ANKDD1A: variants seen among roughly 807,000 people sequenced by gnomAD.
ANKDD1A encodes ankyrin repeat and death domain-containing protein 1A.
ANKDD1A carries 59 observed loss-of-function variants against 63.5 expected under a neutral mutation model. The observed-to-expected ratio is 0.93, with a 90% confidence interval of 0.75 to 1.15. The LOEUF (loss-of-function observed/expected upper bound fraction) is 1.15. ANKDD1A is among the 50% of genes most tolerant of loss of function. The pLI is 0.00. For synonymous variants in ANKDD1A, 266 were observed against 263.9 expected (o/e 1.01, Z -0.08); for missense variants, 632 against 656.4 (o/e 0.96, Z 0.41).
intron 6 of ANKDD1A, among the ~76,000 whole-genome samples, chr15:64,929,059 C>T (rs1385476439): frequency 6.6e-6 from 1 of 152,258 alleles, no homozygotes; most frequent in Non-Finnish European, 1.5e-5. Context: ...CACCGCTTGT[C>T]CTGGCTCGCA....
chr15:64,926,882 C>G lies in ANKDD1A; in HGVS notation c.472-19C>G. The G allele has an allele frequency of 6.2e-7, 1 of 1,613,676 alleles. No homozygotes were observed. The highest frequency in any genetic ancestry group is 8.5e-7 in the Non-Finnish European group (1 of 1,179,730). On this transcript the variant is annotated intron_variant, in intron 5 of 14. Coordinates refer to ENST00000319580, the MANE Select transcript of ANKDD1A (RefSeq NM_182703.6). ...CTGACAGAGTGAGGAAGGCTCACAC[C>G]GCTTCTCCTCCCGGCCAGCTGGGGA...
At chr15:64,952,978 G>T (rs1362796731) in intron 14 of ANKDD1A, among the ~76,000 whole-genome samples, 71,989 of 139,034 alleles carry the variant, frequency 0.52, 19,641 homozygotes, top group East Asian at 0.85. Context: ...TTTTCTTCTT[G>T]TCTCTCCTTC....
rs1167622182 is a variant in ANKDD1A at position 64,951,397 on chromosome 15, CT to C, written c.1483+1431del. The C allele has an allele frequency of 3.0e-4, 51 of 168,874 alleles. No individual in the cohort carries two copies. The Admixed American group carries it at 3.2e-3, about 11-fold the overall frequency. 10.5% of individuals were successfully genotyped at this position (168,874 alleles called of 1,614,324 possible). A position where few individuals can be genotyped will look rare whatever the true frequency, so the allele number is the denominator to read the frequency against. ...TCTTTCTTTTTCTTTTCTTCTTCCT[CT>C]TTTTTCTTTTTTCTTTTCTTCCTCT... On this transcript the variant is annotated intron_variant, in intron 14 of 14. Transcript: ENST00000319580.
intron 14 of ANKDD1A, among the ~76,000 whole-genome samples, chr15:64,954,352 TCTCTTCTTCTCCTTCTTCTTC>T (rs2085382186): frequency 2.1e-5 from 2 of 96,348 alleles, no homozygotes; most frequent in African/African-American, 9.3e-5. Flanking sequence ...CTCTCCTTCT[TCTCTTCTTCTCCTTCTTCTTC>T]CTTTTCTTTT....
intron 14 of ANKDD1A, among the ~76,000 whole-genome samples, chr15:64,953,615 C>CCTCTTCTTAGTTCTTCTTAG: frequency 9.2e-6 from 1 of 109,008 alleles, no homozygotes; most frequent in South Asian, 3.5e-4. Flanking sequence ...TTCTTCTCTC[C>CCTCTTCTTAGTTCTTCTTAG]TTCTTCTTCT....
rs529765858 is a variant in ANKDD1A, at chr15:64,948,740, C to T, written c.1352-1101C>T. Among the ~76,000 whole-genome samples, 4 of 152,014 alleles carry T rather than the reference C, an allele frequency of 2.6e-5. No homozygotes were observed. The East Asian group carries it at 7.7e-4, about 29-fold the overall frequency. The stretch of plus-strand genomic sequence containing the variant: ...GCTCGACAGGCTGAGGTTTAAGAAT[C>T]GCTTGAACCCGGGACACAGAGTTTG... On this transcript the variant is annotated intron_variant, in intron 13 of 14. Transcript: ENST00000319580.
intron 14 of ANKDD1A, among the ~76,000 whole-genome samples, chr15:64,953,630 C>CTT (rs1467278506): frequency 8.7e-4 from 18 of 20,724 alleles, no homozygotes; most frequent in Non-Finnish European, 1.5e-3. Context: ...TCTTCTTCTT[C>CTT]CTTCTTCTTC....
chr15:64,915,760 C>A (rs1371814353), intron 1 of ANKDD1A, 37 bp from the exon 2 acceptor site: 1 of 1,564,030 alleles, frequency 6.4e-7, no homozygotes, highest in South Asian at 1.1e-5. Flanking sequence ...TGTGGGGCAT[C>A]CTCCCCCTCA....
chr15:64,949,519 G>A (rs2085251941), intron 13 of ANKDD1A, among the ~76,000 whole-genome samples: 2 of 152,178 alleles, frequency 1.3e-5, no homozygotes, highest in African/African-American at 2.4e-5. Context: ...GTACCACAAC[G>A]ATGAAAGTCA....
chr15:64,948,200 T>C (rs2085239062), intron 13 of ANKDD1A, among the ~76,000 whole-genome samples: 1 of 152,240 alleles, frequency 6.6e-6, no homozygotes, highest in Admixed American at 6.5e-5. Flanking sequence ...ATGGTGTGTG[T>C]GTTTCATCTG....
chr15:64,931,441 G>T (rs1026846168), intron 7 of ANKDD1A, 46 bp from the exon 8 acceptor site: 1 of 1,563,332 alleles, frequency 6.4e-7, no homozygotes, highest in Non-Finnish European at 8.7e-7. Context: ...GGTCACTTGG[G>T]GGTGGGCCTC....
intron 1 of ANKDD1A, 86 bp downstream of exon 1, chr15:64,912,050 G>C: frequency 8.2e-7 from 1 of 1,212,962 alleles, no homozygotes; most frequent in Non-Finnish European, 1.0e-6. Context: ...GGTGAGGTTG[G>C]CGCCCTCCGA....
At chr15:64,927,101 C>A in intron 6 of ANKDD1A, 102 bp downstream of exon 6, 1 of 1,230,472 alleles carries the variant, frequency 8.1e-7, no homozygotes, top group Non-Finnish European at 1.2e-6. Context: ...TCCGATTGCG[C>A]TGGAGGCCCG....
chr15:64,954,731 CTTCTTCCTTCTCCTTCTT>C (rs2085396452), intron 14 of ANKDD1A, among the ~76,000 whole-genome samples: 2 of 63,096 alleles, frequency 3.2e-5, no homozygotes, highest in African/African-American at 8.6e-5. Context: ...CCTCCTCCTT[CTTCTTCCTTCTCCTTCTT>C]CTTTCTTTTT....
At chr15:64,954,019 CTCTTCTTTTCTTTCT>C (rs1566749596) in intron 14 of ANKDD1A, among the ~76,000 whole-genome samples, 1 of 63,006 alleles carries the variant, frequency 1.6e-5, no homozygotes, top group Non-Finnish European at 3.2e-5. Context: ...TCCTTCTTTC[CTCTTCTTTTCTTTCT>C]TCTTCCTCTT....
chr15:64,939,770 G>A (rs78097252), intron 9 of ANKDD1A, among the ~76,000 whole-genome samples: 5,727 of 152,222 alleles, frequency 0.038, 356 homozygotes, highest in South Asian at 0.12. Flanking sequence ...TTCAACAAAT[G>A]GGACTGAAGC....
At chr15:64,953,452 CT>C (rs2085340320) in intron 14 of ANKDD1A, among the ~76,000 whole-genome samples, 2 of 44,322 alleles carry the variant, frequency 4.5e-5, no homozygotes, top group South Asian at 1.7e-3. Context: ...TTTCTTCTTT[CT>C]TCTCTCCTTC....
chr15:64,922,300 C>T, intron 4 of ANKDD1A: 1 of 410,434 alleles, frequency 2.4e-6, no homozygotes, highest in South Asian at 2.8e-5. Flanking sequence ...GAGGTCTCCT[C>T]CACCCTCCTG....
intron 14 of ANKDD1A, among the ~76,000 whole-genome samples, chr15:64,953,538 C>CTTT (rs1566917601): frequency 0.044 from 5,418 of 124,534 alleles, 465 homozygotes; most frequent in African/African-American, 0.16. Context: ...CTTCTCCTCT[C>CTTT]CTTCTTCCTT....
Sources: gnomAD v4.1 joint callset for allele counts (sites outside exome capture counted in the v4.1 genomes callset) on GRCh38, gnomAD v4.1.1 for gene constraint, MANE v1.5 for transcripts, NCBI Gene and HGNC (gene_info 2026-07-23, HGNC 2026-07-21) for gene names.